Variants in ERBB4 observed in about 807,000 individuals in gnomAD.
ERBB4 encodes the protein erb-b2 receptor tyrosine kinase 4.
ERBB4 carries 42 observed loss-of-function variants against 158.0 expected under a neutral mutation model. That is an observed-to-expected ratio of 0.27 (90% CI 0.21 to 0.34). The LOEUF (loss-of-function observed/expected upper bound fraction) is 0.34, where lower values mean the gene tolerates loss of function less well. Among genes scored for constraint, ERBB4 ranks in the 10% least tolerant of loss-of-function variants. The pLI is 1.00. For synonymous variants in ERBB4, 583 were observed against 558.7 expected, an observed-to-expected ratio of 1.04 and a Z score of -0.61; for missense variants, 1,333 against 1,624.1, an observed-to-expected ratio of 0.82 and a Z score of 3.08.
chr2:211,648,039 G>A (rs1445816974), intron 16 of ERBB4, among the ~76,000 whole-genome samples: 1 of 151,646 alleles, frequency 6.6e-6, no homozygotes, highest in Non-Finnish European at 1.5e-5. Context: ...CTCATTTAAT[G>A]TAATGAATTT....
At chr2:212,092,065 T>A (rs2078795834) in intron 2 of ERBB4, among the ~76,000 whole-genome samples, 1 of 152,150 alleles carries the variant, frequency 6.6e-6, no homozygotes, top group Non-Finnish European at 1.5e-5. Flanking sequence ...GAAAAATTAT[T>A]ATAACTCTAG....
At chr2:211,939,156 T>A (rs1188715556) in intron 3 of ERBB4, among the ~76,000 whole-genome samples, 1 of 152,120 alleles carries the variant, frequency 6.6e-6, no homozygotes, top group African/African-American at 2.4e-5. Context: ...ATTGCTCAAG[T>A]TTGGATTGTT....
intron 2 of ERBB4, among the ~76,000 whole-genome samples, chr2:212,062,885 C>G (rs12612881): frequency 0.97 from 147,849 of 152,296 alleles, 71,896 homozygotes; most frequent in East Asian, 1. Context: ...TACTACATCT[C>G]TGAGCAAGTT....
At chr2:212,397,049 T>C (rs1261228790) in intron 1 of ERBB4, among the ~76,000 whole-genome samples, 1 of 152,202 alleles carries the variant, frequency 6.6e-6, no homozygotes, top group Non-Finnish European at 1.5e-5. Flanking sequence ...TTTAATCCCA[T>C]ATTTTAGATA....
intron 1 of ERBB4, among the ~76,000 whole-genome samples, chr2:212,192,038 TTA>T (rs72305263): frequency 0.021 from 815 of 39,094 alleles, 6 homozygotes; most frequent in African/African-American, 0.098. Context: ...ATGTTATATG[TTA>T]TATATATGTT....
In ERBB4 at chr2:212,098,029, T is replaced by C. The variant is rs141171231; in HGVS notation, c.234+26723A>G. On this transcript the variant is annotated intron_variant, in intron 2 of 27. Transcript: ENST00000342788. ...GAATTGTGAGCAGAATAAAATACTA[T>C]ATGGAAATAGACAATAGAGAAAGAG... Among the ~76,000 whole-genome samples, 363 of 152,180 alleles carry C rather than the reference T, an allele frequency of 2.4e-3. 4 individuals carry two copies. Among genetic ancestry groups the C allele is most frequent in the African/African-American group, 8.2e-3 (341 of 41,522 alleles).
chr2:211,657,057 A>T (rs1248356692), intron 16 of ERBB4, among the ~76,000 whole-genome samples: 1 of 152,206 alleles, frequency 6.6e-6, no homozygotes, highest in Non-Finnish European at 1.5e-5. Context: ...CAACCACTTA[A>T]AAATAATATA....
intron 15 of ERBB4, among the ~76,000 whole-genome samples, chr2:211,659,754 G>A (rs1276504603): frequency 1.3e-5 from 2 of 152,074 alleles, no homozygotes; most frequent in African/African-American, 4.8e-5. Flanking sequence ...AGGAGCTAGA[G>A]GGAGAAAAAA....
At chr2:212,192,246 C>A (rs1229955281) in intron 1 of ERBB4, among the ~76,000 whole-genome samples, 1 of 114,050 alleles carries the variant, frequency 8.8e-6, no homozygotes, top group African/African-American at 3.2e-5. Context: ...TTTCTAAATG[C>A]TAATTTCCCC....
chr2:211,803,675 A>G (rs535543485), intron 3 of ERBB4, among the ~76,000 whole-genome samples: 86 of 152,236 alleles, frequency 5.6e-4, no homozygotes, highest in African/African-American at 2.0e-3. Flanking sequence ...AATTTTAAAC[A>G]CTCTTCTATG....
intron 20 of ERBB4, among the ~76,000 whole-genome samples, chr2:211,501,204 T>C (rs1319382749): frequency 6.6e-6 from 1 of 151,780 alleles, no homozygotes. Context: ...GAAAGATTTA[T>C]AAAATAAACA....
chr2:212,170,715 C>T (rs1026050612), intron 1 of ERBB4, among the ~76,000 whole-genome samples: 4 of 152,178 alleles, frequency 2.6e-5, no homozygotes, highest in East Asian at 1.9e-4. Flanking sequence ...GGTCATTGCC[C>T]GAGCCTTGGT....
At chr2:211,783,650 G>A (rs1258291861) in intron 4 of ERBB4, among the ~76,000 whole-genome samples, 3 of 152,286 alleles carry the variant, frequency 2.0e-5, no homozygotes, top group Non-Finnish European at 4.4e-5. Context: ...CTTTGGTTCT[G>A]TTTATATGCT....
chr2:211,408,079 T>C (rs569783718), intron 25 of ERBB4, among the ~76,000 whole-genome samples: 52 of 151,236 alleles, frequency 3.4e-4, no homozygotes, highest in Non-Finnish European at 7.2e-4. Context: ...CAGACAAAGA[T>C]GGATTTGTAA....
At chr2:212,407,699 A>G (rs2091387271) in intron 1 of ERBB4, among the ~76,000 whole-genome samples, 1 of 152,132 alleles carries the variant, frequency 6.6e-6, no homozygotes, top group Non-Finnish European at 1.5e-5. Context: ...AATGAACTCT[A>G]AACAGCAGTA....
intron 1 of ERBB4, among the ~76,000 whole-genome samples, chr2:212,218,027 T>A (rs1459987748): frequency 4.0e-5 from 6 of 151,328 alleles, no homozygotes; most frequent in African/African-American, 1.5e-4. Context: ...GAATACCTAA[T>A]ACTGTCTGCT....
chr2:211,978,864 C>T (rs551748530), intron 2 of ERBB4, among the ~76,000 whole-genome samples: 2 of 152,206 alleles, frequency 1.3e-5, no homozygotes, highest in South Asian at 4.2e-4. Context: ...TTAAATATTA[C>T]AACATTTTAG....
At chr2:212,494,071 T>C (rs1297101261) in intron 1 of ERBB4, among the ~76,000 whole-genome samples, 3 of 151,912 alleles carry the variant, frequency 2.0e-5, no homozygotes, top group African/African-American at 7.2e-5. Flanking sequence ...CTATTATATG[T>C]ATACTGGATA....
chr2:212,344,914 A>G (rs2088908546), intron 1 of ERBB4, among the ~76,000 whole-genome samples: 1 of 152,082 alleles, frequency 6.6e-6, no homozygotes, highest in Non-Finnish European at 1.5e-5. Context: ...AGATAATGGT[A>G]GTACATCTCT....
Sources: allele counts gnomAD v4.1 joint callset (sites outside exome capture counted in the v4.1 genomes callset), GRCh38; gene constraint gnomAD v4.1.1; transcripts MANE v1.5; gene names NCBI Gene and HGNC (gene_info 2026-07-23, HGNC 2026-07-21).